P4HA2: variants seen among roughly 807,000 people sequenced by gnomAD.
P4HA2 encodes prolyl 4-hydroxylase subunit alpha 2, also known as prolyl 4-hydroxylase subunit alpha-2.
P4HA2 carries 46 observed loss-of-function variants against 76.9 expected under a neutral mutation model. The observed-to-expected ratio is 0.60, with a 90% CI of 0.47 to 0.76. The LOEUF is 0.76. Among genes scored for constraint, P4HA2 ranks in the 30% least tolerant of loss-of-function variants. The pLI is 0.00. For missense variants in P4HA2, 583 were observed against 669.4 expected (o/e 0.87, Z 1.42); for synonymous variants, 243 against 254.0 (o/e 0.96, Z 0.41).
intron 5 of P4HA2, among the ~76,000 whole-genome samples, chr5:132,211,149 C>T (rs1753031312): frequency 6.6e-6 from 1 of 152,176 alleles, no homozygotes; most frequent in Non-Finnish European, 1.5e-5. Context: ...CCAGCTTTGG[C>T]TGTTAAGTGG....
intron 13 of P4HA2, 99 bp downstream of exon 13, chr5:132,195,313 A>G: frequency 1.1e-6 from 1 of 909,242 alleles, no homozygotes; most frequent in Non-Finnish European, 1.8e-6. Context: ...GGCACATCAC[A>G]GTGACAATCA....
chr5:132,225,003 G>C (rs752043038), intron 1 of P4HA2, among the ~76,000 whole-genome samples: 1 of 149,366 alleles, frequency 6.7e-6, no homozygotes, highest in South Asian at 2.1e-4. Flanking sequence ...CTCTCTTCTA[G>C]GGCTCCAGTA....
In P4HA2 at chr5:132,207,909, C is replaced by G. The variant is rs201830468; in HGVS notation, c.904-25G>C. On this transcript the variant is annotated intron_variant, in intron 7 of 14. Transcript: ENST00000360568. Reference sequence around the variant, plus strand: ...TCTGGAAAGCACAGAGTAACAGGCCCTGAGCTGAGTGAGTCCTAATCCTCG... The same window carrying G: ...TCTGGAAAGCACAGAGTAACAGGCCGTGAGCTGAGTGAGTCCTAATCCTCG... 12 of 1,532,092 alleles carry G rather than the reference C, an allele frequency of 7.8e-6. No homozygotes were observed. In the African/African-American group the frequency reaches 1.7e-4, roughly 21 times the overall value. The allele number at this position is 1,532,092 out of a possible 1,614,324, so 94.9% of individuals were successfully genotyped here.
intron 5 of P4HA2, among the ~76,000 whole-genome samples, chr5:132,210,816 TGAGGACA>T (rs1375000021): frequency 6.6e-6 from 1 of 152,104 alleles, no homozygotes; most frequent in Non-Finnish European, 1.5e-5. Context: ...GAAGCATTGT[TGAGGACA>T]GTGGGAAGGT....
chr5:132,207,972 C>G (rs1252909006), intron 7 of P4HA2, 88 bp from the exon 8 acceptor site: 13 of 1,021,990 alleles, frequency 1.3e-5, no homozygotes, highest in Non-Finnish European at 1.7e-5. Flanking sequence ...GGACTCACCT[C>G]ATGGCCAGCA....
Position 132,210,173 on chromosome 5 carries a change from T to A in P4HA2, c.709+111A>T, listed in dbSNP as rs1050505355. 93 of 1,250,434 alleles carry A rather than the reference T, an allele frequency of 7.4e-5. No individual in the cohort carries two copies. In the Middle Eastern group the frequency reaches 1.6e-3, roughly 22 times the overall value. 77.5% of individuals were successfully genotyped at this position (1,250,434 alleles called of 1,614,324 possible). ...AGTAAGGCATTAGTCACTGGCCAAG[T>A]GACAGGGTAAACTGACTCAGTCCCA... On this transcript the variant is annotated intron_variant, in intron 6 of 14. Coordinates refer to ENST00000360568, the MANE Select transcript of P4HA2 (RefSeq NM_001017974.2).
At position 132,198,337 on chromosome 5, in the gene P4HA2, G is replaced by A. The variant is rs139849772; in HGVS notation, c.1349C>T (p.Ala450Val). 9.9e-6 allele frequency: 16 copies of A among 1,613,992 alleles called. No homozygotes were observed. In the East Asian group the frequency reaches 1.1e-4, roughly 11 times the overall value. ...AGTACTTACGTAGTTAAGAAACGTC[G>A]CTAACCTATTCCCCTCTGTTTTGAG... is the stretch of plus-strand genomic sequence containing the variant. ...SGLKTEGNRL[A>V]TFLNYMSDVE... The change falls in exon 12 of 15, where the codon GCG (alanine) becomes GTG (valine). Residue 450 changes from alanine (A) to valine (V), a missense_variant. Ala to Val is a moderately conservative substitution (Grantham distance 64). Coordinates refer to ENST00000360568, the MANE Select transcript of P4HA2 (RefSeq NM_001017974.2).
At chr5:132,211,906 C>T (rs748223272) in intron 5 of P4HA2, among the ~76,000 whole-genome samples, 7 of 152,160 alleles carry the variant, frequency 4.6e-5, no homozygotes, top group Non-Finnish European at 8.8e-5. Flanking sequence ...AAGATGTCTC[C>T]TATGCTCCCC....
chr5:132,217,340 T>C lies in P4HA2; in HGVS notation c.188A>G (p.Asn63Ser), dbSNP rs748547016. 1 of 1,614,226 alleles carries C rather than the reference T, an allele frequency of 6.2e-7. No individual in the cohort carries two copies. Among genetic ancestry groups the C allele is most frequent in the Non-Finnish European group, 8.5e-7 (1 of 1,180,024 alleles). ...AKLSKIKSWA[N>S]KMEALTSKSA... The stretch of plus-strand genomic sequence containing the variant: ...CTTGCTAGTCAAGGCTTCCATTTTG[T>C]TGGCCCAGCTGTGGAACCAGAGGAA... The change falls in exon 4 of 15, where the codon AAC becomes AGC. Residue 63 changes from asparagine to serine, a missense_variant. Coordinates refer to ENST00000360568, the MANE Select transcript of P4HA2 (RefSeq NM_001017974.2).
At chr5:132,207,583 G>A (rs1350109899) in intron 8 of P4HA2, 125 bp downstream of exon 8, 10 of 723,946 alleles carry the variant, frequency 1.4e-5, no homozygotes, top group Admixed American at 1.2e-4. Context: ...TATCCCCACG[G>A]TAGGCCCATG....
rs140196287 is a variant in P4HA2 at position 132,210,439 on chromosome 5, G to A, written c.554C>T (p.Thr185Met). Residue 185 changes from threonine (T) to methionine (M), a missense_variant, in exon 6 of 15, where the codon ACG becomes ATG. Physicochemically the swap from Thr to Met is moderately conservative, Grantham distance 81 (BLOSUM62 -1). Transcript: ENST00000360568. Reference protein sequence around the residue: ...SAYNEGDYYHTVLWMEQVLKQ... With the variant: ...SAYNEGDYYHMVLWMEQVLKQ... ...TAGCACCTGCTCCATCCACAACACC[G>A]TATGATAATAGTCCCCTTCATTGTA... is the stretch of plus-strand genomic sequence containing the variant. 1.5e-5 allele frequency: 24 copies of A among 1,613,962 alleles called. No homozygotes were observed. The highest frequency in any genetic ancestry group is 9.3e-5 in the African/African-American group (7 of 74,912).
intron 8 of P4HA2, 139 bp from the exon 9 acceptor site, chr5:132,204,291 C>T (rs959904737): frequency 1.4e-6 from 1 of 693,604 alleles, no homozygotes; most frequent in African/African-American, 1.8e-5. Flanking sequence ...CTAGCCAAGG[C>T]CCCAAGATCC....
At chr5:132,215,593 C>G (rs1260948563) in intron 4 of P4HA2, among the ~76,000 whole-genome samples, 1 of 152,208 alleles carries the variant, frequency 6.6e-6, no homozygotes, top group East Asian at 1.9e-4. Flanking sequence ...CAGGCCCAAC[C>G]CAGTCTGGCC....
At chr5:132,225,308 T>A (rs1248031486) in intron 1 of P4HA2, among the ~76,000 whole-genome samples, 1 of 152,178 alleles carries the variant, frequency 6.6e-6, no homozygotes, top group Admixed American at 6.5e-5. Context: ...AGTAAACTCT[T>A]GACAGACCCC....
At chr5:132,218,523 C>A (rs118053518) in intron 2 of P4HA2, 22 bp downstream of exon 2, 1 of 1,560,206 alleles carries the variant, frequency 6.4e-7, no homozygotes, top group African/African-American at 1.4e-5. Context: ...GTCAGGGAGA[C>A]GACAGTCCTG....
At chr5:132,210,675 T>C in intron 5 of P4HA2, 152 bp from the exon 6 acceptor site, 1 of 777,494 alleles carries the variant, frequency 1.3e-6, no homozygotes, top group Non-Finnish European at 2.2e-6. Context: ...AAAGGGCCAC[T>C]GACACAGTGA....
chr5:132,196,318 C>A (rs1020469404), intron 12 of P4HA2, among the ~76,000 whole-genome samples: 2 of 152,176 alleles, frequency 1.3e-5, no homozygotes, highest in African/African-American at 2.4e-5. Context: ...TTTCTAGAAC[C>A]CCAAGGCCCT....
intron 1 of P4HA2, among the ~76,000 whole-genome samples, chr5:132,220,255 C>T (rs1053455777): frequency 6.6e-5 from 10 of 152,252 alleles, no homozygotes; most frequent in Admixed American, 2.6e-4. Flanking sequence ...GAAGGCTTCT[C>T]TCTTGCTTAC....
At chr5:132,199,866 G>A (rs1202531560) in intron 10 of P4HA2, 2 of 152,246 alleles carry the variant, frequency 1.3e-5, no homozygotes, top group African/African-American at 4.8e-5. Context: ...ACAGTCAGGT[G>A]AGAGATGCTA....
Sources: allele counts gnomAD v4.1 joint callset (sites outside exome capture counted in the v4.1 genomes callset), GRCh38; gene constraint gnomAD v4.1.1; transcripts MANE v1.5; gene names NCBI Gene and HGNC (gene_info 2026-07-23, HGNC 2026-07-21).